The following BCAT1 variants were observed in gnomAD, a reference collection of about 807,000 sequenced individuals.
The protein encoded by BCAT1 is branched chain amino acid transaminase 1.
A neutral mutation model predicts 52.4 loss-of-function variants in BCAT1; 48 were observed. The observed-to-expected ratio is 0.92, with a 90% confidence interval of 0.73 to 1.16. BCAT1 has a LOEUF of 1.16. Among genes scored for constraint, BCAT1 ranks in the 50% most tolerant of loss-of-function variants. The pLI, the probability that BCAT1 is intolerant of heterozygous loss-of-function variation, is 0.00. For missense variants in BCAT1, 451 were observed against 457.1 expected (o/e 0.99, Z 0.12); for synonymous variants, 167 against 161.3 (o/e 1.04, Z -0.27).
intron 1 of BCAT1, among the ~76,000 whole-genome samples, chr12:24,925,573 CCTCCCCCTCTCCCT>C (rs1177244891): frequency 1.3e-5 from 2 of 150,148 alleles, no homozygotes; most frequent in African/African-American, 4.9e-5. Context: ...TGCAGCTCCC[CCTCCCCCTCTCCCT>C]CTCCCCACGG....
At chr12:24,857,177 C>A (rs757443596) in intron 5 of BCAT1, among the ~76,000 whole-genome samples, 1 of 152,134 alleles carries the variant, frequency 6.6e-6, no homozygotes, top group Admixed American at 6.5e-5. Flanking sequence ...ATCTATGTGA[C>A]CTTTGCCATT....
At chr12:24,916,220 T>C (rs561822588) in intron 1 of BCAT1, among the ~76,000 whole-genome samples, 4 of 152,326 alleles carry the variant, frequency 2.6e-5, no homozygotes, top group East Asian at 3.9e-4. Context: ...ACTGTGCCTG[T>C]AAAACCTGTA....
chr12:24,860,680 A>G (rs566701759), intron 5 of BCAT1, among the ~76,000 whole-genome samples: 3 of 152,334 alleles, frequency 2.0e-5, no homozygotes, highest in South Asian at 4.1e-4. Context: ...GTTGACTTAC[A>G]GAACTGATGA....
Position 24,949,068 on chromosome 12 carries a change from G to A in BCAT1, c.-136C>T, listed in dbSNP as rs1262602662. The A allele has an allele frequency of 5.9e-6, 5 of 845,980 alleles. No homozygotes were observed. The highest frequency in any genetic ancestry group is 5.5e-6 in the Non-Finnish European group (3 of 543,956). The allele number at this position is 845,980 out of a possible 1,614,324, so 52.4% of individuals were successfully genotyped here. ...CAGCAAGACCTGGGGCAGTGCCCGA[G>A]GCGGCGGCGAGTACACGTGGCGGGC... is the stretch of plus-strand genomic sequence containing the variant. On this transcript the variant is annotated 5_prime_UTR_variant, in exon 1 of 11. Transcript: ENST00000261192.
At chr12:24,851,486 C>A (rs1044609387) in intron 5 of BCAT1, among the ~76,000 whole-genome samples, 6 of 152,196 alleles carry the variant, frequency 3.9e-5, no homozygotes, top group Non-Finnish European at 7.3e-5. Context: ...CAAGCACACA[C>A]CAATGCCATC....
chr12:24,827,932 T>C (rs1249717283), intron 10 of BCAT1, among the ~76,000 whole-genome samples: 2 of 152,208 alleles, frequency 1.3e-5, no homozygotes, highest in Non-Finnish European at 2.9e-5. Context: ...TTTCCCTTTT[T>C]TTAGAGGAAG....
At chr12:24,826,844 T>G (rs766165311) in intron 10 of BCAT1, among the ~76,000 whole-genome samples, 1 of 152,220 alleles carries the variant, frequency 6.6e-6, no homozygotes, top group Non-Finnish European at 1.5e-5. Context: ...CTTGTATAGA[T>G]CTCTCATGTC....
At chr12:24,911,774 C>A (rs186739131) in intron 1 of BCAT1, among the ~76,000 whole-genome samples, 47 of 152,266 alleles carry the variant, frequency 3.1e-4, no homozygotes, top group African/African-American at 1.1e-3. Flanking sequence ...GCGTGGCAAG[C>A]CTCTAGGTCA....
At chr12:24,930,716 T>C (rs1240751987) in intron 1 of BCAT1, among the ~76,000 whole-genome samples, 1 of 152,140 alleles carries the variant, frequency 6.6e-6, no homozygotes, top group Non-Finnish European at 1.5e-5. Flanking sequence ...ATAATCTTAT[T>C]TCCTTTCTGT....
chr12:24,937,027 G>A (rs865959316), intron 1 of BCAT1, among the ~76,000 whole-genome samples: 2 of 152,046 alleles, frequency 1.3e-5, no homozygotes, highest in Admixed American at 6.6e-5. Flanking sequence ...AGCATTGGAC[G>A]ACATATGGTT....
chr12:24,941,902 T>C (rs749665271), intron 1 of BCAT1, among the ~76,000 whole-genome samples: 2 of 152,178 alleles, frequency 1.3e-5, no homozygotes, highest in African/African-American at 4.8e-5. Flanking sequence ...TAAAAACCAG[T>C]AAATGCAAAT....
At chr12:24,898,749 CA>C (rs1403298820) in intron 2 of BCAT1, among the ~76,000 whole-genome samples, 1 of 151,840 alleles carries the variant, frequency 6.6e-6, no homozygotes, top group South Asian at 2.1e-4. Context: ...CTCCTGACCT[CA>C]AATGATCCAC....
At chr12:24,923,750 C>T (rs1943536597) in intron 1 of BCAT1, among the ~76,000 whole-genome samples, 1 of 152,152 alleles carries the variant, frequency 6.6e-6, no homozygotes, top group Admixed American at 6.5e-5. Flanking sequence ...GAGAACCAAA[C>T]TGAGTATCAA....
intron 7 of BCAT1, among the ~76,000 whole-genome samples, chr12:24,841,682 C>T (rs890472799): frequency 3.5e-4 from 54 of 152,148 alleles, no homozygotes; most frequent in African/African-American, 1.2e-3. Context: ...GCCGGTGGAT[C>T]ACCTGAGGTC....
intron 3 of BCAT1, among the ~76,000 whole-genome samples, chr12:24,890,189 G>A (rs1051978763): frequency 1.1e-4 from 17 of 152,216 alleles, no homozygotes; most frequent in Admixed American, 1.1e-3. Flanking sequence ...CTCTCAGTCA[G>A]ACATTCCAGA....
At chr12:24,846,353 T>C (rs540519636) in intron 6 of BCAT1, among the ~76,000 whole-genome samples, 28 of 152,336 alleles carry the variant, frequency 1.8e-4, no homozygotes, top group African/African-American at 6.3e-4. Flanking sequence ...GTCCACAGGA[T>C]AACTGATACC....
At chr12:24,845,342 T>TA (rs950539404) in intron 6 of BCAT1, among the ~76,000 whole-genome samples, 10 of 151,924 alleles carry the variant, frequency 6.6e-5, no homozygotes, top group African/African-American at 1.2e-4. Flanking sequence ...AGGAAGCTAT[T>TA]AAAAAAACAA....
At chr12:24,825,949 T>G (rs1940377281) in intron 10 of BCAT1, among the ~76,000 whole-genome samples, 2 of 152,186 alleles carry the variant, frequency 1.3e-5, no homozygotes, top group African/African-American at 4.8e-5. Context: ...CAGTGGCTTA[T>G]GCTAGTAATC....
At chr12:24,846,173 A>G (rs1941338686) in intron 6 of BCAT1, among the ~76,000 whole-genome samples, 1 of 152,226 alleles carries the variant, frequency 6.6e-6, no homozygotes, top group South Asian at 2.1e-4. Flanking sequence ...GCAAGGAAAG[A>G]GGATTAAAGA....
Sources: allele counts gnomAD v4.1 joint callset (sites outside exome capture counted in the v4.1 genomes callset), GRCh38; gene constraint gnomAD v4.1.1; transcripts MANE v1.5; gene names NCBI Gene and HGNC (gene_info 2026-07-23, HGNC 2026-07-21).